The following SYT14 variants were observed in gnomAD, a reference collection of about 807,000 sequenced individuals.
SYT14 encodes synaptotagmin-14.
Under a neutral mutation model 74.2 loss-of-function variants are expected in SYT14, and 32 were observed. The ratio of observed to expected loss-of-function variants is 0.43; its 90% CI spans 0.33 to 0.58. The LOEUF is 0.58. Ranked by LOEUF, SYT14 falls within the 20% of genes least tolerant of loss-of-function variation. The pLI is 0.05. For synonymous variants in SYT14, 298 were observed against 337.7 expected, an observed-to-expected ratio of 0.88 and a Z score of 1.29; for missense variants, 791 against 981.8, an observed-to-expected ratio of 0.81 and a Z score of 2.60.
intron 8 of SYT14, among the ~76,000 whole-genome samples, chr1:210,156,409 A>G (rs1265940785): frequency 6.6e-6 from 1 of 152,048 alleles, no homozygotes; most frequent in Admixed American, 6.6e-5. Flanking sequence ...TACTGCCAGC[A>G]GAGACTTTTC....
chr1:210,038,009 G>A (rs1337866635), intron 5 of SYT14, among the ~76,000 whole-genome samples: 1 of 151,900 alleles, frequency 6.6e-6, no homozygotes, highest in Non-Finnish European at 1.5e-5. Flanking sequence ...TTTCTCTCTC[G>A]ATGATCTGTC....
chr1:209,967,382 T>C (rs1268802438), intron 2 of SYT14, among the ~76,000 whole-genome samples: 1 of 152,132 alleles, frequency 6.6e-6, no homozygotes, highest in African/African-American at 2.4e-5. Flanking sequence ...ATATAGTTGG[T>C]ATTATTTCTT....
chr1:210,139,047 T>C (rs1261388142), intron 7 of SYT14, among the ~76,000 whole-genome samples: 2 of 151,760 alleles, frequency 1.3e-5, no homozygotes, highest in African/African-American at 4.8e-5. Context: ...GTTTCATGTA[T>C]TTGAACGTGG....
intron 5 of SYT14, among the ~76,000 whole-genome samples, chr1:210,043,601 C>T (rs227178): frequency 0.56 from 85,738 of 151,978 alleles, 26,315 homozygotes; most frequent in African/African-American, 0.82. Context: ...AATTAACAAG[C>T]TTGGATGCAG....
At chr1:210,162,861 ATG>A (rs1404729260) in exon 10 of SYT14, 1 of 453,518 alleles carries the variant, frequency 2.2e-6, no homozygotes, top group Non-Finnish European at 4.4e-6. Context: ...AGGTTTGAGA[ATG>A]TGTGTTACAG....
chr1:210,160,417 G>T (rs1444080326), intron 9 of SYT14, among the ~76,000 whole-genome samples: 1 of 151,536 alleles, frequency 6.6e-6, no homozygotes, highest in Non-Finnish European at 1.5e-5. Flanking sequence ...GGGGAGGGTA[G>T]TGGGAGGTCA....
intron 2 of SYT14, among the ~76,000 whole-genome samples, chr1:210,002,914 TTGA>T (rs1255647292): frequency 6.6e-6 from 1 of 152,138 alleles, no homozygotes. Context: ...ATTATATCTT[TTGA>T]TGATCAGAAA....
chr1:210,077,753 T>C (rs1014733401), intron 5 of SYT14, among the ~76,000 whole-genome samples: 1 of 152,218 alleles, frequency 6.6e-6, no homozygotes, highest in African/African-American at 2.4e-5. Flanking sequence ...TACTTACTAT[T>C]GTCTATATTC....
At chr1:210,002,870 A>G (rs1232642834) in intron 2 of SYT14, among the ~76,000 whole-genome samples, 2 of 152,122 alleles carry the variant, frequency 1.3e-5, no homozygotes, top group East Asian at 1.9e-4. Context: ...CAAATACATT[A>G]TTCCATATAA....
At chr1:210,024,235 G>A (rs147279382) in intron 5 of SYT14, among the ~76,000 whole-genome samples, 1 of 152,300 alleles carries the variant, frequency 6.6e-6, no homozygotes, top group East Asian at 1.9e-4. Context: ...TCAGGGTTGT[G>A]CTTTAGAAAG....
At chr1:209,953,501 C>G (rs555023897) in intron 2 of SYT14, among the ~76,000 whole-genome samples, 35 of 152,302 alleles carry the variant, frequency 2.3e-4, no homozygotes, top group Admixed American at 1.0e-3. Flanking sequence ...ACTTGCCCCT[C>G]CTGAGTCTAG....
intron 5 of SYT14, among the ~76,000 whole-genome samples, chr1:210,047,646 C>A (rs2080910863): frequency 6.6e-6 from 1 of 152,190 alleles, no homozygotes; most frequent in African/African-American, 2.4e-5. Context: ...ATCTGCCTGC[C>A]TTGGCCACCC....
intron 2 of SYT14, among the ~76,000 whole-genome samples, chr1:209,964,002 G>A (rs1298905855): frequency 1.3e-5 from 2 of 152,290 alleles, no homozygotes; most frequent in African/African-American, 4.8e-5. Flanking sequence ...CATATGCTAA[G>A]TTGTTATACA....
chr1:210,038,031 G>A (rs2080706808), intron 5 of SYT14, among the ~76,000 whole-genome samples: 1 of 151,220 alleles, frequency 6.6e-6, no homozygotes, highest in African/African-American at 2.4e-5. Context: ...CATGCTATCA[G>A]TGGGATGTTG....
In SYT14 at chr1:210,146,692, A is replaced by G. The variant is rs563470567; in HGVS notation, c.2035-9029A>G. ...ATACTACATATATACTATATGTAGT[A>G]TATATGGTCTATATGTGTATATATG... On this transcript the variant is annotated intron_variant, in intron 7 of 9. Transcript: ENST00000637265. Among the ~76,000 whole-genome samples, 6 of 151,696 alleles carry G rather than the reference A, an allele frequency of 4.0e-5. No homozygotes were observed. In the East Asian group the frequency reaches 1.2e-3, roughly 29 times the overall value.
chr1:209,999,700 G>T (rs1378990199), intron 2 of SYT14, among the ~76,000 whole-genome samples: 2 of 152,260 alleles, frequency 1.3e-5, no homozygotes, highest in South Asian at 2.1e-4. Context: ...AGCTAAAAAA[G>T]TGGATCTCAT....
At chr1:210,153,994 A>C (rs949102915) in intron 7 of SYT14, among the ~76,000 whole-genome samples, 17 of 152,164 alleles carry the variant, frequency 1.1e-4, no homozygotes, top group African/African-American at 4.1e-4. Flanking sequence ...ATTTTGCTAA[A>C]TTCTTAAAGG....
intron 4 of SYT14, among the ~76,000 whole-genome samples, chr1:210,018,237 G>A (rs1388483769): frequency 2.0e-5 from 3 of 152,116 alleles, no homozygotes; most frequent in African/African-American, 4.8e-5. Context: ...GGGTTCAAGC[G>A]ATTCTCCTGC....
intron 7 of SYT14, among the ~76,000 whole-genome samples, chr1:210,129,430 G>A (rs1383682995): frequency 4.6e-5 from 7 of 152,258 alleles, no homozygotes; most frequent in African/African-American, 1.4e-4. Flanking sequence ...GGGATGGGAC[G>A]CACTGATTAG....
Sources: allele counts gnomAD v4.1 joint callset (sites outside exome capture counted in the v4.1 genomes callset), GRCh38; gene constraint gnomAD v4.1.1; transcripts MANE v1.5; gene names NCBI Gene and HGNC (gene_info 2026-07-23, HGNC 2026-07-21).